Variants in SIPA1L1 observed in about 807,000 individuals in gnomAD.
SIPA1L1 encodes signal-induced proliferation-associated 1-like protein 1.
SIPA1L1 carries 26 observed loss-of-function variants against 162.7 expected under a neutral mutation model. The observed-to-expected ratio is 0.16, with a 90% confidence interval of 0.12 to 0.22. The LOEUF (loss-of-function observed/expected upper bound fraction) is 0.22, where lower values mean the gene tolerates loss of function less well. Ranked by LOEUF, SIPA1L1 falls within the 10% of genes least tolerant of loss-of-function variation. The pLI is 1.00. For synonymous variants in SIPA1L1, 829 were observed against 837.4 expected, an observed-to-expected ratio of 0.99 and a Z score of 0.17; for missense variants, 1,874 against 2,241.0, an observed-to-expected ratio of 0.84 and a Z score of 3.31.
intron 4 of SIPA1L1, among the ~76,000 whole-genome samples, chr14:71,552,018 G>A (rs1033478586): frequency 6.6e-6 from 1 of 152,074 alleles, no homozygotes; most frequent in Non-Finnish European, 1.5e-5. Context: ...GCCATCTGAC[G>A]TTTATCTTGT....
At chr14:71,345,751 G>A (rs1397689552) in intron 2 of SIPA1L1, among the ~76,000 whole-genome samples, 1 of 151,596 alleles carries the variant, frequency 6.6e-6, no homozygotes, top group Non-Finnish European at 1.5e-5. Context: ...TGTATTTTTA[G>A]TAGAGACGGG....
intron 3 of SIPA1L1, among the ~76,000 whole-genome samples, chr14:71,516,222 T>G (rs542124148): frequency 1.3e-5 from 2 of 152,302 alleles, no homozygotes; most frequent in Non-Finnish European, 2.9e-5. Flanking sequence ...GGTTTTGTTT[T>G]AAAATCCAGT....
intron 5 of SIPA1L1, among the ~76,000 whole-genome samples, chr14:71,614,821 T>C (rs1033347472): frequency 6.6e-6 from 1 of 152,234 alleles, no homozygotes; most frequent in Admixed American, 6.5e-5. Flanking sequence ...TGAATTATCA[T>C]TAATTTTACA....
At position 71,544,257 on chromosome 14, in the gene SIPA1L1, CACATGATATGTGTATAT is replaced by C. The variant is rs1596019206; in HGVS notation, c.-303+14892_-303+14908del. On this transcript the variant is annotated intron_variant, in intron 4 of 23. Transcript: ENST00000381232. ...ATGTATGTATACACATATGTATATA[CACATGATATGTGTATAT>C]ACATATGTGTATATACATATATATC... is the stretch of plus-strand genomic sequence containing the variant. Among the ~76,000 whole-genome samples the C allele has an allele frequency of 2.8e-5, 3 of 105,836 alleles. No homozygotes were observed. In the East Asian group the frequency reaches 6.7e-4, roughly 24 times the overall value. The allele number at this position is 105,836 out of a possible 152,430, so 69.4% of individuals were successfully genotyped here.
intron 2 of SIPA1L1, among the ~76,000 whole-genome samples, chr14:71,363,605 A>G (rs1161616463): frequency 6.6e-6 from 1 of 152,192 alleles, no homozygotes; most frequent in Non-Finnish European, 1.5e-5. Flanking sequence ...TTCAAGCTCA[A>G]AATGTGTAAA....
chr14:71,538,411 ATCCT>A (rs2145657576), intron 4 of SIPA1L1, among the ~76,000 whole-genome samples: 1 of 152,340 alleles, frequency 6.6e-6, no homozygotes, highest in African/African-American at 2.4e-5. Context: ...TTTAGGAATA[ATCCT>A]TCCACCTGGT....
chr14:71,717,826 A>T (rs2083387541), intron 17 of SIPA1L1, among the ~76,000 whole-genome samples: 1 of 152,180 alleles, frequency 6.6e-6, no homozygotes, highest in Non-Finnish European at 1.5e-5. Flanking sequence ...TGAGGGGCTA[A>T]TGCAGTATTT....
chr14:71,460,651 C>T (rs561481672), intron 2 of SIPA1L1, among the ~76,000 whole-genome samples: 2 of 152,224 alleles, frequency 1.3e-5, no homozygotes, highest in South Asian at 2.1e-4. Context: ...CACTAAGACC[C>T]CTGTGCCAGC....
At chr14:71,697,859 A>G (rs973500136) in intron 13 of SIPA1L1, among the ~76,000 whole-genome samples, 16 of 152,114 alleles carry the variant, frequency 1.1e-4, no homozygotes, top group Non-Finnish European at 1.2e-4. Context: ...CAAAACTTTG[A>G]CTTGTCTTAA....
chr14:71,582,453 A>G (rs1449379754), intron 4 of SIPA1L1, among the ~76,000 whole-genome samples: 2 of 152,146 alleles, frequency 1.3e-5, no homozygotes, highest in Non-Finnish European at 2.9e-5. Flanking sequence ...ACCTTCAGCT[A>G]TACAAACTAT....
At chr14:71,529,131 A>G (rs2053188706) in intron 3 of SIPA1L1, among the ~76,000 whole-genome samples, 181 bp from the exon 4 acceptor site, 1 of 152,060 alleles carries the variant, frequency 6.6e-6, no homozygotes, top group African/African-American at 2.4e-5. Flanking sequence ...AAAAAGAAAG[A>G]AATATGATAA....
rs1159481127 is a variant in SIPA1L1, at chr14:71,658,420, C to T, written c.2081C>T (p.Pro694Leu). 4 of 1,593,782 alleles carry T rather than the reference C, an allele frequency of 2.5e-6. No individual in the cohort carries two copies. The highest frequency in any genetic ancestry group is 3.4e-6 in the Non-Finnish European group (4 of 1,161,646). ...GTTTCTACCATGCTGCCATACACAC[C>T]CAACAACAAACAACAGGTAAGAGAT... ...FHVSTMLPYTPNNKQQLLRKR... is the reference protein window; with the variant it reads ...FHVSTMLPYTLNNKQQLLRKR... The change falls in exon 9 of 24, where the codon CCC becomes CTC. Residue 694 changes from proline (P) to leucine (L), a missense_variant. Physicochemically the swap from Pro to Leu is moderately conservative, Grantham distance 98 (BLOSUM62 -3). This residue lies in a region of SIPA1L1 where 243 missense variants were observed against 315.0 expected (regional missense o/e 0.77). Coordinates refer to ENST00000381232, the MANE Select transcript of SIPA1L1 (RefSeq NM_001386936.1).
At chr14:71,733,589 G>T (rs556472962) in intron 20 of SIPA1L1, 77 bp from the exon 21 acceptor site, 2 of 1,426,538 alleles carry the variant, frequency 1.4e-6, no homozygotes, top group African/African-American at 1.4e-5. Flanking sequence ...ATCTATTGTG[G>T]TAACAGGAAA....
chr14:71,733,649 C>A lies in SIPA1L1; in HGVS notation c.4862-17C>A, dbSNP rs369947905. ...CACAGGCACAAGAAGCATCTCATTC[C>A]TCCTCCCTTCCCGCAGGAGAGTTCT... On this transcript the variant is annotated splice_polypyrimidine_tract_variant and intron_variant, in intron 20 of 23. Transcript: ENST00000381232. 2 of 1,611,650 alleles carry A rather than the reference C, an allele frequency of 1.2e-6. No individual in the cohort carries two copies. The highest frequency in any genetic ancestry group is 8.5e-7 in the Non-Finnish European group (1 of 1,179,184).
At chr14:71,365,892 A>ATT (rs1555405458) in intron 2 of SIPA1L1, among the ~76,000 whole-genome samples, 3 of 84,738 alleles carry the variant, frequency 3.5e-5, no homozygotes, top group Non-Finnish European at 2.5e-5. Context: ...TGCCTGGTTA[A>ATT]TTTTTTTTTT....
At chr14:71,416,143 T>C (rs2042744500) in intron 2 of SIPA1L1, 1 of 143,910 alleles carries the variant, frequency 6.9e-6, no homozygotes, top group Non-Finnish European at 1.5e-5. Context: ...TATTTTGTTC[T>C]TTTTTTTTTT....
At chr14:71,366,847 T>C (rs544677702) in intron 2 of SIPA1L1, among the ~76,000 whole-genome samples, 2 of 152,230 alleles carry the variant, frequency 1.3e-5, no homozygotes, top group Non-Finnish European at 2.9e-5. Flanking sequence ...AAAGGATTTT[T>C]GTAAAGTATA....
At chr14:71,409,873 A>C (rs918674251) in intron 2 of SIPA1L1, among the ~76,000 whole-genome samples, 2 of 152,212 alleles carry the variant, frequency 1.3e-5, no homozygotes, top group African/African-American at 4.8e-5. Flanking sequence ...TAATTGACTT[A>C]GTAACAGAAT....
intron 15 of SIPA1L1, 26 bp downstream of exon 15, chr14:71,702,531 A>G (rs955970693): frequency 6.2e-7 from 1 of 1,610,242 alleles, no homozygotes; most frequent in Non-Finnish European, 8.5e-7. Context: ...CTACAAGAAG[A>G]AAGTTGCTTT....
Sources: allele counts gnomAD v4.1 joint callset (sites outside exome capture counted in the v4.1 genomes callset), GRCh38; gene constraint gnomAD v4.1.1; regional missense constraint gnomAD v4.1.1; transcripts MANE v1.5; gene names NCBI Gene and HGNC (gene_info 2026-07-23, HGNC 2026-07-21).